MIA2: variants seen among roughly 807,000 people sequenced by gnomAD.
The protein encoded by MIA2 is melanoma inhibitory activity protein 2.
In MIA2, 127 loss-of-function variants were observed where a neutral mutation model predicts 167.8. The ratio of observed to expected loss-of-function variants is 0.76; its 90% CI spans 0.66 to 0.88. MIA2 has a LOEUF of 0.88. Ranked by LOEUF, MIA2 falls within the 40% of genes least tolerant of loss-of-function variation. The pLI is 0.00. For synonymous variants in MIA2, 552 were observed against 541.9 expected, an observed-to-expected ratio of 1.02 and a Z score of -0.26; for missense variants, 1,690 against 1,624.7, an observed-to-expected ratio of 1.04 and a Z score of -0.69.
chr14:39,358,400 C>T (rs984530147), intron 23 of MIA2, among the ~76,000 whole-genome samples: 1 of 152,200 alleles, frequency 6.6e-6, no homozygotes, highest in African/African-American at 2.4e-5. Flanking sequence ...GTGTTCAGTT[C>T]CATCAGGTCC....
At chr14:39,284,854 A>G (rs2059405055) in intron 9 of MIA2, among the ~76,000 whole-genome samples, 1 of 151,970 alleles carries the variant, frequency 6.6e-6, no homozygotes, top group African/African-American at 2.4e-5. Context: ...CAGATAAACA[A>G]GTGAACAAAG....
At chr14:39,237,383 C>T (rs1172690850) in intron 2 of MIA2, 1 of 309,384 alleles carries the variant, frequency 3.2e-6, no homozygotes, top group South Asian at 2.8e-5. Flanking sequence ...CTGCTTCGGC[C>T]TCCCAAAGTG....
chr14:39,311,215 C>T (rs548988557), intron 18 of MIA2, among the ~76,000 whole-genome samples: 1 of 152,194 alleles, frequency 6.6e-6, no homozygotes, highest in Admixed American at 6.5e-5. Flanking sequence ...TTTTACATTT[C>T]CTTCTTATAT....
intron 23 of MIA2, chr14:39,385,708 AGAC>A (rs1246067425): frequency 4.0e-6 from 4 of 991,914 alleles, no homozygotes. Flanking sequence ...CAGTGGTAAC[AGAC>A]TATAGTCCTT....
At chr14:39,355,886 A>T (rs1218539898), downstream of MIA2, among the ~76,000 whole-genome samples, 1 of 152,236 alleles carries the variant, frequency 6.6e-6, no homozygotes, top group Non-Finnish European at 1.5e-5. Context: ...CCAGCCCTGC[A>T]TCCCAGGGAT....
intron 25 of MIA2, among the ~76,000 whole-genome samples, chr14:39,333,462 A>G (rs1322423180): frequency 1.3e-5 from 2 of 152,038 alleles, no homozygotes. Flanking sequence ...GATTGTACCC[A>G]GAATATTGGG....
chr14:39,297,074 G>A (rs1157924390), intron 13 of MIA2, among the ~76,000 whole-genome samples: 3 of 151,594 alleles, frequency 2.0e-5, no homozygotes, highest in Non-Finnish European at 4.4e-5. Flanking sequence ...ACCACGCCCG[G>A]CTATTGGTGG....
At position 39,348,850 on chromosome 14, in the gene MIA2, T is replaced by G. The variant is rs1391972755; in HGVS notation, c.3945T>G (p.Asp1315Glu). The G allele has an allele frequency of 6.2e-7, 1 of 1,614,092 alleles. No individual in the cohort carries two copies. The highest frequency in any genetic ancestry group is 8.5e-7 in the Non-Finnish European group (1 of 1,179,958). Residue 1315 changes from aspartate to glutamate, a missense_variant, in exon 28 of 29, where the codon GAT (aspartate) becomes GAG (glutamate). Physicochemically the swap from Asp to Glu is conservative, Grantham distance 45. Coordinates refer to ENST00000640607, the MANE Select transcript of MIA2 (RefSeq NM_001329214.4). ...APIRGPLFPV[D>E]ARGPFLRRGP... is the part of the protein sequence containing the mutation. ...TCAGAGGTCCATTGTTTCCAGTGGA[T>G]GCAAGAGGCCCATTCTTGAGAAGAG... is the stretch of plus-strand genomic sequence containing the variant.
rs1555375665 is a variant in MIA2 at position 39,298,413 on chromosome 14, T to TTATATATGTATATATATATA, written c.2497-1444_2497-1443insGTATATATATATATATATAT. Among the ~76,000 whole-genome samples, 110 of 26,142 alleles carry TTATATATGTATATATATATA rather than the reference T, an allele frequency of 4.2e-3. 2 individuals are homozygous for TTATATATGTATATATATATA. The highest frequency in any genetic ancestry group is 0.015 in the African/African-American group (105 of 7,196). 17.2% of individuals were successfully genotyped at this position (26,142 alleles called of 152,430 possible). A position where few individuals can be genotyped will look rare whatever the true frequency, so the allele number is the denominator to read the frequency against. On this transcript the variant is annotated intron_variant, in intron 13 of 28. Transcript: ENST00000640607. ...TTTACCTGTATCATCTGATTCTGTT[T>TTATATATGTATATATATATA]TATATATATATATATATATATATAT...
At chr14:39,361,122 T>C (rs893433885) in intron 23 of MIA2, among the ~76,000 whole-genome samples, 3 of 152,206 alleles carry the variant, frequency 2.0e-5, no homozygotes, top group Non-Finnish European at 4.4e-5. Context: ...TTGCTTTGGC[T>C]AGTTCTGGCT....
chr14:39,301,985 T>A (rs2062591912), intron 14 of MIA2, 144 bp from the exon 15 acceptor site: 1 of 946,058 alleles, frequency 1.1e-6, no homozygotes, highest in Admixed American at 2.7e-5. Flanking sequence ...GACTACAATA[T>A]CTTAATAAGA....
chr14:39,328,995 C>A (rs966176553), intron 25 of MIA2, among the ~76,000 whole-genome samples: 1 of 152,018 alleles, frequency 6.6e-6, no homozygotes, highest in Non-Finnish European at 1.5e-5. Flanking sequence ...TTTTCTAATT[C>A]TTTGAAGAAA....
chr14:39,366,871 C>T lies in MIA2; in HGVS notation c.2248+17894C>T, dbSNP rs138467298. On this transcript the variant is annotated intron_variant, in intron 23 of 23. Coordinates refer to the MIA2 transcript ENST00000341502. Reference sequence around the variant, plus strand: ...GCTGCAGGTAGGCAACTCGTAGGCTCTAGGGAGGACAAACTTCAACCTCTG... The same window carrying T: ...GCTGCAGGTAGGCAACTCGTAGGCTTTAGGGAGGACAAACTTCAACCTCTG... Among the ~76,000 whole-genome samples, 494 of 152,240 alleles carry T rather than the reference C, an allele frequency of 3.2e-3. 2 individuals carry two copies. The highest frequency in any genetic ancestry group is 6.8e-3 in the Middle Eastern group (2 of 294).
At chr14:39,252,317 AG>A (rs2054616697) in intron 4 of MIA2, among the ~76,000 whole-genome samples, 1 of 152,192 alleles carries the variant, frequency 6.6e-6, no homozygotes, top group Non-Finnish European at 1.5e-5. Flanking sequence ...AGAGGAAGGC[AG>A]GGGTATCAGA....
chr14:39,366,500 A>G (rs1192718046), intron 23 of MIA2, among the ~76,000 whole-genome samples: 1 of 152,190 alleles, frequency 6.6e-6, no homozygotes, highest in African/African-American at 2.4e-5. Flanking sequence ...CCAGGCCCTC[A>G]GGGCACGTGC....
chr14:39,336,120 A>G (rs2070350571), intron 25 of MIA2, among the ~76,000 whole-genome samples: 1 of 152,200 alleles, frequency 6.6e-6, no homozygotes, highest in Admixed American at 6.5e-5. Context: ...ATATATACCC[A>G]GTAATGGGAT....
At chr14:39,327,881 T>C (rs1472040625) in intron 25 of MIA2, among the ~76,000 whole-genome samples, 1 of 152,228 alleles carries the variant, frequency 6.6e-6, no homozygotes, top group Non-Finnish European at 1.5e-5. Flanking sequence ...GATGGGCATT[T>C]GGGTTGGTTC....
intron 25 of MIA2, among the ~76,000 whole-genome samples, chr14:39,341,206 G>A (rs553474933): frequency 1.3e-5 from 2 of 152,230 alleles, no homozygotes; most frequent in South Asian, 4.1e-4. Context: ...GGAGGCTGAG[G>A]CAGGAGAATT....
chr14:39,320,168 G>T (rs2066171162), intron 23 of MIA2, among the ~76,000 whole-genome samples: 1 of 139,428 alleles, frequency 7.2e-6, no homozygotes, highest in Admixed American at 7.0e-5. Flanking sequence ...ATCTTTTCTT[G>T]TAGCTGGTTT....
Sources: allele counts gnomAD v4.1 joint callset (sites outside exome capture counted in the v4.1 genomes callset), GRCh38; gene constraint gnomAD v4.1.1; transcripts MANE v1.5; gene names NCBI Gene and HGNC (gene_info 2026-07-23, HGNC 2026-07-21).